Variants in EMSY observed in about 807,000 individuals in gnomAD.
The protein encoded by EMSY is BRCA2-interacting transcriptional repressor EMSY.
Under a neutral mutation model 134.6 loss-of-function variants are expected in EMSY, and 26 were observed. The observed-to-expected ratio is 0.19, with a 90% CI of 0.14 to 0.27. EMSY has a LOEUF of 0.27. Ranked by LOEUF, EMSY falls within the 10% of genes least tolerant of loss-of-function variation. The probability of loss-of-function intolerance (pLI) is 1.00; values close to 1 mark genes in which losing one functional copy is unlikely to be tolerated. For missense variants in EMSY, 1,305 were observed against 1,611.4 expected (o/e 0.81, Z 3.26); for synonymous variants, 579 against 577.8 (o/e 1.00, Z -0.03).
intron 6 of EMSY, among the ~76,000 whole-genome samples, chr11:76,461,786 G>T (rs1467381071): frequency 1.3e-5 from 2 of 152,098 alleles, no homozygotes; most frequent in Non-Finnish European, 2.9e-5. Context: ...ACAAAAACTA[G>T]TCAGGTGTGG....
intron 9 of EMSY, among the ~76,000 whole-genome samples, chr11:76,507,519 C>G (rs1329261126): frequency 1.3e-5 from 2 of 152,198 alleles, no homozygotes; most frequent in African/African-American, 2.4e-5. Context: ...ATCCACAGGA[C>G]AGGGCACTAT....
chr11:76,474,715 A>T (rs1405270626), intron 8 of EMSY, among the ~76,000 whole-genome samples: 3 of 152,230 alleles, frequency 2.0e-5, no homozygotes, highest in African/African-American at 7.2e-5. Context: ...AAAAAATTCC[A>T]ACATTTCTAT....
At chr11:76,546,518 AC>A (rs1324126167) in intron 20 of EMSY, among the ~76,000 whole-genome samples, 22 of 152,322 alleles carry the variant, frequency 1.4e-4, no homozygotes, top group Admixed American at 3.3e-4. Flanking sequence ...GGACATTGTC[AC>A]CCAGCACACT....
chr11:76,484,713 C>A (rs1395558428), intron 8 of EMSY, among the ~76,000 whole-genome samples: 2 of 151,910 alleles, frequency 1.3e-5, no homozygotes, highest in East Asian at 1.9e-4. Context: ...CAGGCAGATC[C>A]CCTGAGGTCG....
At chr11:76,517,074 A>C (rs1950473869) in intron 11 of EMSY, among the ~76,000 whole-genome samples, 1 of 152,292 alleles carries the variant, frequency 6.6e-6, no homozygotes, top group East Asian at 1.9e-4. Context: ...CAGATTAAGC[A>C]AGACTGTAGA....
intron 11 of EMSY, among the ~76,000 whole-genome samples, chr11:76,522,878 A>G (rs1401498661): frequency 6.6e-6 from 1 of 152,190 alleles, no homozygotes; most frequent in African/African-American, 2.4e-5. Context: ...GACAAAGAAT[A>G]TTGATGGTAA....
intron 7 of EMSY, among the ~76,000 whole-genome samples, chr11:76,469,386 A>G (rs1306214442): frequency 1.3e-5 from 2 of 152,184 alleles, no homozygotes; most frequent in Non-Finnish European, 2.9e-5. Flanking sequence ...CCTAATTGCC[A>G]TTACTACTCT....
chr11:76,464,108 C>T (rs1241094131), intron 7 of EMSY, 28 bp downstream of exon 8: 6 of 1,612,376 alleles, frequency 3.7e-6, no homozygotes, highest in South Asian at 3.3e-5. Context: ...TCTCTGCCTG[C>T]CAATTGTTTC....
chr11:76,528,190 A>C (rs1476021495), intron 13 of EMSY, 78 bp from the exon 15 acceptor site: 7 of 1,253,552 alleles, frequency 5.6e-6, no homozygotes, highest in Non-Finnish European at 8.0e-6. Flanking sequence ...GGAAAATATT[A>C]GTTTATGACC....
At chr11:76,499,275 C>CTTTTTTTTT (rs777778051) in intron 9 of EMSY, among the ~76,000 whole-genome samples, 2 of 69,976 alleles carry the variant, frequency 2.9e-5, no homozygotes, top group African/African-American at 6.9e-5. Flanking sequence ...AATCTTATAA[C>CTTTTTTTTT]TTTTTTTTTT....
At chr11:76,482,351 G>T (rs1949014985) in intron 8 of EMSY, among the ~76,000 whole-genome samples, 1 of 152,158 alleles carries the variant, frequency 6.6e-6, no homozygotes, top group South Asian at 2.1e-4. Context: ...CTCCTCCAAA[G>T]GATCATAACT....
At chr11:76,535,826 G>GTT in intron 14 of EMSY, 69 bp from the exon 16 acceptor site, 2 of 1,099,574 alleles carry the variant, frequency 1.8e-6, no homozygotes, top group African/African-American at 1.7e-5. Flanking sequence ...CAAAAAAATT[G>GTT]TTTGTTTTTT....
intron 14 of EMSY, among the ~76,000 whole-genome samples, chr11:76,528,687 A>G (rs1037794453): frequency 4.0e-5 from 6 of 151,784 alleles, no homozygotes; most frequent in Admixed American, 3.3e-4. Context: ...TGTTCATCAA[A>G]TAATTAACTT....
At chr11:76,466,899 A>C (rs532141948) in intron 7 of EMSY, among the ~76,000 whole-genome samples, 1 of 152,356 alleles carries the variant, frequency 6.6e-6, no homozygotes, top group African/African-American at 2.4e-5. Flanking sequence ...TGCAAGGATT[A>C]AATGAGATTG....
intron 11 of EMSY, among the ~76,000 whole-genome samples, chr11:76,519,064 T>A (rs1392791002): frequency 6.6e-6 from 1 of 150,558 alleles, no homozygotes; most frequent in South Asian, 2.1e-4. Flanking sequence ...TTGATTCATA[T>A]CTTTTTTTTT....
chr11:76,455,004 G>T (rs1389450171), intron 4 of EMSY, among the ~76,000 whole-genome samples: 10 of 152,018 alleles, frequency 6.6e-5, no homozygotes, highest in Admixed American at 6.6e-4. Flanking sequence ...AGGGAGAGGA[G>T]GTGAAAATTT....
intron 8 of EMSY, among the ~76,000 whole-genome samples, chr11:76,474,553 A>T (rs1262894058): frequency 1.3e-5 from 2 of 152,198 alleles, no homozygotes; most frequent in African/African-American, 4.8e-5. Flanking sequence ...ATAGATATGG[A>T]TGCAGTCAGT....
At chr11:76,500,196 AAG>A (rs1201271604) in intron 9 of EMSY, among the ~76,000 whole-genome samples, 1 of 152,156 alleles carries the variant, frequency 6.6e-6, no homozygotes, top group Non-Finnish European at 1.5e-5. Flanking sequence ...TCTAGTAAAA[AAG>A]GGAGATTTCA....
chr11:76,538,494 C>G (rs1167520831), intron 16 of EMSY, among the ~76,000 whole-genome samples: 1 of 152,066 alleles, frequency 6.6e-6, no homozygotes, highest in African/African-American at 2.4e-5. Flanking sequence ...TTCCTGGGCT[C>G]AAGAGATCCG....
Sources: gnomAD v4.1 joint callset for allele counts (sites outside exome capture counted in the v4.1 genomes callset) on GRCh38, gnomAD v4.1.1 for gene constraint, MANE v1.5 for transcripts, NCBI Gene and HGNC (gene_info 2026-07-23, HGNC 2026-07-21) for gene names.